Variants in TANC2 observed in about 807,000 individuals in gnomAD.
The protein encoded by TANC2 is tetratricopeptide repeat, ankyrin repeat and coiled-coil containing 2, also known as protein TANC2.
A neutral mutation model predicts 210.5 loss-of-function variants in TANC2; 26 were observed. The ratio of observed to expected loss-of-function variants is 0.12; its 90% CI spans 0.09 to 0.17. TANC2 has a LOEUF of 0.17. Ranked by LOEUF, TANC2 falls within the 10% of genes least tolerant of loss-of-function variation. The probability of loss-of-function intolerance (pLI) is 1.00; values close to 1 mark genes in which losing one functional copy is unlikely to be tolerated. For synonymous variants in TANC2, 931 were observed against 967.1 expected (o/e 0.96, Z 0.69); for missense variants, 2,129 against 2,608.9 (o/e 0.82, Z 4.01).
chr17:63,150,190 G>A (rs2039598952), intron 4 of TANC2: 1 of 152,156 alleles, frequency 6.6e-6, no homozygotes. Flanking sequence ...TTTGAGAAAA[G>A]TAATGTGATC....
rs570702906 is a variant in TANC2, at chr17:63,362,517, G to A, written c.2582+7127G>A. Among the ~76,000 whole-genome samples, 112 of 151,722 alleles carry A rather than the reference G, an allele frequency of 7.4e-4. 1 individual carries two copies. The South Asian group carries it at 0.023, about 31-fold the overall frequency. On this transcript the variant is annotated intron_variant, in intron 14 of 27. Coordinates refer to ENST00000689528, the Ensembl canonical transcript of TANC2. The stretch of plus-strand genomic sequence containing the variant: ...CCATGGCACCCAGGCTGTTCATGCC[G>A]AGAGGCACCTGCAGGCCGAGAGGCA...
chr17:63,403,356 A>G (rs1316462522), intron 19 of TANC2, among the ~76,000 whole-genome samples: 3 of 152,222 alleles, frequency 2.0e-5, no homozygotes, highest in Non-Finnish European at 2.9e-5. Flanking sequence ...TGTGGGTTAG[A>G]AATTTTCCAA....
At chr17:63,021,501 A>G (rs918809422) in intron 2 of TANC2, among the ~76,000 whole-genome samples, 18 of 152,316 alleles carry the variant, frequency 1.2e-4, no homozygotes, top group Admixed American at 7.2e-4. Context: ...GGTCTCTGCC[A>G]TGAGTTGAAG....
At chr17:63,140,731 C>A (rs1038015771) in intron 4 of TANC2, among the ~76,000 whole-genome samples, 10 of 152,062 alleles carry the variant, frequency 6.6e-5, no homozygotes, top group African/African-American at 2.4e-4. Context: ...AAAATCAGTC[C>A]CATACCTTGA....
intron 7 of TANC2, among the ~76,000 whole-genome samples, chr17:63,210,120 A>G (rs1204002990): frequency 6.6e-6 from 1 of 152,184 alleles, no homozygotes; most frequent in African/African-American, 2.4e-5. Flanking sequence ...AGGTTTTGCT[A>G]TCAAGGATTA....
intron 2 of TANC2, among the ~76,000 whole-genome samples, chr17:63,070,647 T>C (rs1220144733): frequency 6.6e-6 from 1 of 152,116 alleles, no homozygotes; most frequent in African/African-American, 2.4e-5. Context: ...AATCTAAGAA[T>C]GGTTTTTATA....
At chr17:63,136,097 C>A (rs1219354571) in intron 4 of TANC2, among the ~76,000 whole-genome samples, 1 of 152,134 alleles carries the variant, frequency 6.6e-6, no homozygotes, top group Admixed American at 6.5e-5. Context: ...TTGCCTATTT[C>A]CTTATAAGAT....
chr17:63,083,886 G>C (rs1055219612), intron 3 of TANC2, among the ~76,000 whole-genome samples: 2 of 152,084 alleles, frequency 1.3e-5, no homozygotes, highest in Non-Finnish European at 2.9e-5. Context: ...TTTTGGATTT[G>C]ATTTGTAAAT....
intron 3 of TANC2, among the ~76,000 whole-genome samples, chr17:63,084,555 C>T (rs1298653685): frequency 2.0e-5 from 3 of 151,464 alleles, no homozygotes; most frequent in Admixed American, 1.3e-4. Flanking sequence ...ATTTAATTTG[C>T]TCTTCTTTTT....
In TANC2 at chr17:63,303,074, T is replaced by G. The variant is rs567448631; in HGVS notation, c.1160-11314T>G. On this transcript the variant is annotated intron_variant, in intron 9 of 27. Coordinates refer to ENST00000689528, the Ensembl canonical transcript of TANC2. ...ACTGTGCCCGGTCATCTGTGTCTTTTAATTGGGGCATTTAGTCCATTTACA... is the reference window on the plus strand; with the variant it reads ...ACTGTGCCCGGTCATCTGTGTCTTTGAATTGGGGCATTTAGTCCATTTACA... Among the ~76,000 whole-genome samples, 18 of 152,354 alleles carry G rather than the reference T, an allele frequency of 1.2e-4. No individual in the cohort carries two copies. In the South Asian group the frequency reaches 3.7e-3, roughly 32 times the overall value.
chr17:63,042,043 C>T lies in TANC2; in HGVS notation c.68-31900C>T, dbSNP rs1349203157. Among the ~76,000 whole-genome samples the T allele has an allele frequency of 6.6e-5, 10 of 152,002 alleles. No homozygotes were observed. The South Asian group carries it at 8.3e-4, about 13-fold the overall frequency. ...TGAGAATAATGTATGTTAGCTTTTA[C>T]GTATTTATTATTCTTGGCTAGATAG... On this transcript the variant is annotated intron_variant, in intron 2 of 27. Transcript: ENST00000689528.
At chr17:63,039,060 T>C (rs2035082601) in intron 2 of TANC2, among the ~76,000 whole-genome samples, 1 of 152,182 alleles carries the variant, frequency 6.6e-6, no homozygotes, top group South Asian at 2.1e-4. Context: ...TTCCTCCTAA[T>C]AAATGAATTA....
intron 2 of TANC2, among the ~76,000 whole-genome samples, chr17:63,072,280 G>T (rs2036423675): frequency 6.6e-6 from 1 of 152,002 alleles, no homozygotes; most frequent in South Asian, 2.1e-4. Context: ...CTTAGAATTT[G>T]ATATACAGTT....
intron 4 of TANC2, among the ~76,000 whole-genome samples, chr17:63,147,362 A>G (rs1332045403): frequency 6.6e-6 from 1 of 152,042 alleles, no homozygotes; most frequent in Non-Finnish European, 1.5e-5. Context: ...AAAAAAAAAG[A>G]AAAAAGAAAA....
intron 5 of TANC2, among the ~76,000 whole-genome samples, chr17:63,190,077 G>A (rs1313031760): frequency 6.6e-6 from 1 of 152,162 alleles, no homozygotes; most frequent in Admixed American, 6.5e-5. Context: ...ACTCATGCCT[G>A]TAATTTTAGC....
chr17:63,120,440 C>A (rs1181912011), intron 4 of TANC2, among the ~76,000 whole-genome samples: 2 of 152,068 alleles, frequency 1.3e-5, no homozygotes, highest in African/African-American at 4.8e-5. Flanking sequence ...AAAAATAAGA[C>A]TTAATACTTT....
At chr17:63,058,397 G>A (rs1307449766) in intron 2 of TANC2, among the ~76,000 whole-genome samples, 4 of 151,956 alleles carry the variant, frequency 2.6e-5, no homozygotes, top group African/African-American at 4.8e-5. Flanking sequence ...TGATAGTTTC[G>A]TTTGCTGTCC....
At position 63,420,006 on chromosome 17, in the gene TANC2, G is replaced by A. The variant is rs141384353; in HGVS notation, c.4276G>A (p.Ala1426Thr). The change falls in exon 28 of 28, where the codon GCA becomes ACA. Residue 1426 changes from alanine (A) to threonine (T), a missense_variant. Around this residue, in one of 5 missense-constraint regions of TANC2, gnomAD observed 644 missense variants for 937.5 expected, o/e 0.69. Transcript: ENST00000689528. This position sits in a 1 kb window ranked among gnomAD's most constrained non-coding sequence, Gnocchi z 4.2. ...TCACATTTTGTCAAGCAGACAGTTCGCAGCAGCCTTAGAGGACCTGAACGA... is the reference window on the plus strand; with the variant it reads ...TCACATTTTGTCAAGCAGACAGTTCACAGCAGCCTTAGAGGACCTGAACGA... 10 of 1,539,896 alleles carry A rather than the reference G, an allele frequency of 6.5e-6. No individual in the cohort carries two copies. The highest frequency in any genetic ancestry group is 2.5e-5 in the East Asian group (1 of 40,668).
chr17:63,418,198 C>T lies in TANC2; in HGVS notation c.4168-109C>T, dbSNP rs2048923682. ...TGTCAGGCACGTCTAGCGTCCCAGG[C>T]GTTCCATCCATGAATGTCAAAAAAT... On this transcript the variant is annotated intron_variant, in intron 26 of 27. Transcript: ENST00000689528. This position sits in a 1 kb window ranked among gnomAD's most constrained non-coding sequence, Gnocchi z 4.6. The T allele has an allele frequency of 6.2e-6, 7 of 1,124,406 alleles. No individual in the cohort carries two copies. Among genetic ancestry groups the T allele is most frequent in the South Asian group, 1.5e-5 (1 of 67,240 alleles). 69.7% of individuals were successfully genotyped at this position (1,124,406 alleles called of 1,614,324 possible).
Sources: gnomAD v4.1 joint callset for allele counts (sites outside exome capture counted in the v4.1 genomes callset) on GRCh38, gnomAD v4.1.1 for gene constraint, gnomAD v4.1.1 regional missense constraint, Gnocchi (gnomAD v3.1) non-coding constraint, MANE v1.5 for transcripts, NCBI Gene and HGNC (gene_info 2026-07-23, HGNC 2026-07-21) for gene names.